Variants in BMP2K observed in about 807,000 individuals in gnomAD.
BMP2K encodes BMP-2-inducible protein kinase.
Under a neutral mutation model 116.0 loss-of-function variants are expected in BMP2K, and 74 were observed. The observed-to-expected ratio is 0.64, with a 90% CI of 0.53 to 0.77. The LOEUF is 0.77. BMP2K is among the 30% of genes least tolerant of loss of function. The probability of loss-of-function intolerance (pLI) is 0.00; values close to 1 mark genes in which losing one functional copy is unlikely to be tolerated. For missense variants in BMP2K, 1,365 were observed against 1,403.6 expected, an observed-to-expected ratio of 0.97 and a Z score of 0.44; for synonymous variants, 486 against 502.5, an observed-to-expected ratio of 0.97 and a Z score of 0.44.
chr4:78,845,460 G>A lies in BMP2K; in HGVS notation c.668+411G>A, dbSNP rs566433557. 9.9e-5 allele frequency among the ~76,000 whole-genome samples: 15 copies of A among 151,688 alleles called. No individual in the cohort carries two copies. The South Asian group carries it at 1.7e-3, about 17-fold the overall frequency. On this transcript the variant is annotated intron_variant, in intron 5 of 15. Coordinates refer to ENST00000502613, the MANE Select transcript of BMP2K (RefSeq NM_198892.2). ...AATATTAAAAGGATTGACTTTTTATGCATTGAAAACTGTGTAGAAAATGAA... is the reference window on the plus strand; with the variant it reads ...AATATTAAAAGGATTGACTTTTTATACATTGAAAACTGTGTAGAAAATGAA...
At position 78,914,338 on chromosome 4, in the gene BMP2K, A is replaced by C. The variant is rs1251384849; in HGVS notation, c.*2305A>C. 1 of 152,122 alleles carries C rather than the reference A, an allele frequency of 6.6e-6. No individual in the cohort carries two copies. The highest frequency in any genetic ancestry group is 2.1e-4 in the South Asian group (1 of 4,836). The allele number at this position is 152,122 out of a possible 1,614,324, so 9.4% of individuals were successfully genotyped here. A position where few individuals can be genotyped will look rare whatever the true frequency, so the allele number is the denominator to read the frequency against. On this transcript the variant is annotated 3_prime_UTR_variant, in exon 16 of 16. Coordinates refer to ENST00000502613, the MANE Select transcript of BMP2K (RefSeq NM_198892.2). ...GACAGCATAAAATATTTACATTCTT[A>C]TAACACAGCACAGTGACTTTCTTCT...
intron 15 of BMP2K, among the ~76,000 whole-genome samples, chr4:78,906,612 T>G (rs1734299364): frequency 6.6e-6 from 1 of 152,170 alleles, no homozygotes; most frequent in South Asian, 2.1e-4. Context: ...GTTGGTCTAC[T>G]TACTTCTGGT....
Position 78,834,743 on chromosome 4 carries a change from A to G in BMP2K, c.403+1056A>G, listed in dbSNP as rs1459213052. On this transcript the variant is annotated intron_variant, in intron 3 of 15. Coordinates refer to ENST00000502613, the MANE Select transcript of BMP2K (RefSeq NM_198892.2). Reference sequence around the variant, plus strand: ...AGTTTCCTGAAGGTTGCGGAAAAAGAGGGGGATGATGGTGATGTTGGAGAA... The same window carrying G: ...AGTTTCCTGAAGGTTGCGGAAAAAGGGGGGGATGATGGTGATGTTGGAGAA... Among the ~76,000 whole-genome samples, 3 of 152,250 alleles carry G rather than the reference A, an allele frequency of 2.0e-5. No homozygotes were observed. In the East Asian group the frequency reaches 5.8e-4, roughly 29 times the overall value.
intron 15 of BMP2K, among the ~76,000 whole-genome samples, chr4:78,901,426 G>C (rs1386642772): frequency 1.3e-5 from 2 of 152,050 alleles, no homozygotes; most frequent in African/African-American, 4.8e-5. Flanking sequence ...AAAATTGAAA[G>C]GATTAAATGA....
At chr4:78,876,211 A>C (rs574784079) in intron 13 of BMP2K, among the ~76,000 whole-genome samples, 1 of 151,912 alleles carries the variant, frequency 6.6e-6, no homozygotes, top group African/African-American at 2.4e-5. Flanking sequence ...GACAGACAGG[A>C]GGGGGGATGC....
intron 1 of BMP2K, among the ~76,000 whole-genome samples, chr4:78,784,890 A>AT (rs1436677265): frequency 4.6e-5 from 7 of 152,150 alleles, no homozygotes; most frequent in African/African-American, 1.7e-4. Flanking sequence ...ATCTTTTTCC[A>AT]TTTTAGTATT....
intron 1 of BMP2K, among the ~76,000 whole-genome samples, chr4:78,797,095 A>G (rs1728331509): frequency 6.6e-6 from 1 of 152,200 alleles, no homozygotes; most frequent in South Asian, 2.1e-4. Flanking sequence ...TAATTTTTTA[A>G]AACATTGTAA....
rs544069758 is a variant in BMP2K, at chr4:78,809,366, G to A, written c.179-16671G>A. Among the ~76,000 whole-genome samples, 8 of 148,058 alleles carry A rather than the reference G, an allele frequency of 5.4e-5. No homozygotes were observed. The South Asian group carries it at 6.4e-4, about 12-fold the overall frequency. On this transcript the variant is annotated intron_variant, in intron 1 of 15. Coordinates refer to ENST00000502613, the MANE Select transcript of BMP2K (RefSeq NM_198892.2). ...TTTAATCTAAAGTGTTTTTTTTTTCGTGTGTTTGTTTTTTGTTTTATTTTT... is the reference window on the plus strand; with the variant it reads ...TTTAATCTAAAGTGTTTTTTTTTTCATGTGTTTGTTTTTTGTTTTATTTTT...
intron 7 of BMP2K, among the ~76,000 whole-genome samples, chr4:78,857,488 T>G (rs551927633): frequency 1.3e-5 from 2 of 152,280 alleles, no homozygotes; most frequent in East Asian, 3.9e-4. Context: ...CTCTCAGTGC[T>G]TTTCAATTGC....
chr4:78,870,692 GTTAAA>G, intron 10 of BMP2K, 86 bp from the exon 11 acceptor site: 1 of 1,475,428 alleles, frequency 6.8e-7, no homozygotes, highest in Non-Finnish European at 9.1e-7. Context: ...AAATGCCTTA[GTTAAA>G]TTATTATTGA....
chr4:78,864,413 GTA>G (rs200990547), intron 9 of BMP2K, among the ~76,000 whole-genome samples: 3 of 150,956 alleles, frequency 2.0e-5, no homozygotes, highest in Admixed American at 6.6e-5. Context: ...ATATATCGGT[GTA>G]TATATATATG....
At chr4:78,837,566 A>G (rs1397139467) in intron 3 of BMP2K, among the ~76,000 whole-genome samples, 4 of 152,202 alleles carry the variant, frequency 2.6e-5, no homozygotes, top group Admixed American at 2.6e-4. Flanking sequence ...ACTGGGGGGA[A>G]AAATACACCT....
In BMP2K at chr4:78,911,631, C is replaced by CTGAG; in HGVS notation, c.3085_3086insGAGT (p.Ser1029Ter). On this transcript the variant is annotated stop_gained and frameshift_variant, in exon 16 of 16. Transcript: ENST00000502613. LOFTEE classifies it high-confidence loss of function. Reference sequence around the variant, plus strand: ...GGCACAAAAAAGTGGGCCGCCGAGACTCTCAAAGTAGCAATGAATTTTTAA... The same window carrying CTGAG: ...GGCACAAAAAAGTGGGCCGCCGAGACTGAGTCTCAAAGTAGCAATGAATTTTTAA... 3 of 1,614,026 alleles carry CTGAG rather than the reference C, an allele frequency of 1.9e-6. No individual in the cohort carries two copies. Among genetic ancestry groups the CTGAG allele is most frequent in the African/African-American group, 1.3e-5 (1 of 75,062 alleles).
chr4:78,879,937 G>C (rs749317966), intron 14 of BMP2K: 3 of 152,124 alleles, frequency 2.0e-5, no homozygotes, highest in Non-Finnish European at 4.4e-5. Flanking sequence ...AATAAGTTCT[G>C]AGCCGTTAAT....
intron 1 of BMP2K, among the ~76,000 whole-genome samples, chr4:78,778,098 C>T (rs1727334699): frequency 6.6e-6 from 1 of 152,192 alleles, no homozygotes; most frequent in Non-Finnish European, 1.5e-5. Flanking sequence ...GCACATGGCT[C>T]TTCACTCAAA....
At chr4:78,887,092 A>T in intron 14 of BMP2K, 82 bp from the exon 15 acceptor site, 3 of 974,184 alleles carry the variant, frequency 3.1e-6, no homozygotes, top group Non-Finnish European at 4.6e-6. Flanking sequence ...TTTCACTTTT[A>T]TTTATATGTA....
chr4:78,873,590 C>G (rs943724697), intron 13 of BMP2K, among the ~76,000 whole-genome samples: 2 of 152,036 alleles, frequency 1.3e-5, no homozygotes, highest in East Asian at 3.9e-4. Flanking sequence ...GCATCAGTAG[C>G]ATACTTGTAC....
chr4:78,865,938 A>G (rs555040022), intron 10 of BMP2K, among the ~76,000 whole-genome samples: 1 of 152,322 alleles, frequency 6.6e-6, no homozygotes, highest in African/African-American at 2.4e-5. Context: ...GTATGGTACA[A>G]AAAACTCACA....
At chr4:78,847,140 T>TA (rs757474269) in intron 5 of BMP2K, 48 bp from the exon 6 acceptor site, 209 of 958,852 alleles carry the variant, frequency 2.2e-4, no homozygotes, top group African/African-American at 1.1e-3. Context: ...TGTCTTTTTT[T>TA]TATATATATA....
Sources: gnomAD v4.1 joint callset for allele counts (sites outside exome capture counted in the v4.1 genomes callset) on GRCh38, gnomAD v4.1.1 for gene constraint, MANE v1.5 for transcripts, NCBI Gene and HGNC (gene_info 2026-07-23, HGNC 2026-07-21) for gene names.